POC5: variants seen among roughly 807,000 people sequenced by gnomAD.
The protein encoded by POC5 is POC5 centriolar protein, also known as centrosomal protein POC5.
POC5 carries 48 observed loss-of-function variants against 62.9 expected under a neutral mutation model. That is an observed-to-expected ratio of 0.76 (90% confidence interval 0.61 to 0.97). The LOEUF is 0.97. Ranked by LOEUF, POC5 falls within the 50% of genes least tolerant of loss-of-function variation. The probability of loss-of-function intolerance (pLI) is 0.00; values close to 1 mark genes in which losing one functional copy is unlikely to be tolerated. For missense variants in POC5, 696 were observed against 679.5 expected, an observed-to-expected ratio of 1.02 and a Z score of -0.27; for synonymous variants, 236 against 228.2, an observed-to-expected ratio of 1.03 and a Z score of -0.31.
chr5:75,707,432 A>T (rs1777169040), intron 3 of POC5: 1 of 210,574 alleles, frequency 4.7e-6, no homozygotes, highest in Non-Finnish European at 9.6e-6. Context: ...TCCTGGCATA[A>T]AACTGTTGGA....
intron 11 of POC5, among the ~76,000 whole-genome samples, chr5:75,675,033 T>A (rs1382761666): frequency 2.6e-5 from 4 of 152,138 alleles, no homozygotes; most frequent in Non-Finnish European, 5.9e-5. Context: ...ACGGAAGCCC[T>A]CAGGATGCAG....
At chr5:75,712,736 T>C (rs1418524061) in intron 2 of POC5, 118 bp downstream of exon 2, 9 of 824,576 alleles carry the variant, frequency 1.1e-5, no homozygotes, top group Non-Finnish European at 1.7e-5. Context: ...GATATTATTA[T>C]AAATTGAAAA....
intron 5 of POC5, among the ~76,000 whole-genome samples, chr5:75,702,081 C>G (rs1776910475): frequency 6.6e-6 from 1 of 152,016 alleles, no homozygotes; most frequent in African/African-American, 2.4e-5. Flanking sequence ...AGTTTCTGAA[C>G]CAGTAGCAAC....
chr5:75,674,272 G>T lies in POC5; in HGVS notation c.*163C>A. 2 of 551,606 alleles carry T rather than the reference G, an allele frequency of 3.6e-6. No individual in the cohort carries two copies. Among genetic ancestry groups the T allele is most frequent in the Non-Finnish European group, 5.9e-6 (2 of 341,766 alleles). 34.2% of individuals were successfully genotyped at this position (551,606 alleles called of 1,614,324 possible). On this transcript the variant is annotated 3_prime_UTR_variant, in exon 12 of 12. Transcript: ENST00000428202. ...AACATTAAAATAATTTCTACATATAGTTACAAAGCATGGTAGAGCTTGAAA... is the reference window on the plus strand; with the variant it reads ...AACATTAAAATAATTTCTACATATATTTACAAAGCATGGTAGAGCTTGAAA...
chr5:75,692,436 A>T lies in POC5; in HGVS notation c.755T>A (p.Phe252Tyr). 1.9e-6 allele frequency: 3 copies of T among 1,596,418 alleles called. No individual in the cohort carries two copies. The highest frequency in any genetic ancestry group is 2.6e-6 in the Non-Finnish European group (3 of 1,170,872). ...QKEKIELMRTFFHWRIGHVRA... is the reference protein window; with the variant it reads ...QKEKIELMRTYFHWRIGHVRA... The stretch of plus-strand genomic sequence containing the variant: ...GACATGGCCGATTCGCCAGTGGAAG[A>T]ATGTTCTCATCAACTCTATCTTTTC... Residue 252 changes from phenylalanine (F) to tyrosine (Y), a missense_variant, in exon 7 of 12, where the codon TTC becomes TAC. Physicochemically the swap from Phe to Tyr is conservative, Grantham distance 22. Coordinates refer to ENST00000428202, the MANE Select transcript of POC5 (RefSeq NM_001099271.2).
At chr5:75,677,671 A>G (rs769357095) in intron 11 of POC5, 103 bp downstream of exon 11, 96 of 890,458 alleles carry the variant, frequency 1.1e-4, no homozygotes, top group South Asian at 3.7e-4. Flanking sequence ...AGTACCAGTC[A>G]TCATAAATTT....
chr5:75,710,873 AGAAGTG>A (rs1777315850), intron 2 of POC5, among the ~76,000 whole-genome samples: 1 of 152,132 alleles, frequency 6.6e-6, no homozygotes, highest in Non-Finnish European at 1.5e-5. Context: ...GAACGGAGGG[AGAAGTG>A]GAAGTCAGTG....
chr5:75,707,933 C>A, intron 2 of POC5, 58 bp from the exon 3 acceptor site: 1 of 1,408,098 alleles, frequency 7.1e-7, no homozygotes, highest in Non-Finnish European at 9.6e-7. Context: ...ATAATATATT[C>A]AACTGAATTT....
intron 4 of POC5, among the ~76,000 whole-genome samples, chr5:75,704,559 A>G (rs1023069683): frequency 1.7e-4 from 26 of 152,222 alleles, no homozygotes; most frequent in African/African-American, 6.3e-4. Flanking sequence ...AGGTGGAATG[A>G]CAATGTACAT....
chr5:75,712,818 A>C (rs778428160), intron 2 of POC5, 36 bp downstream of exon 2: 4 of 1,462,690 alleles, frequency 2.7e-6, no homozygotes. Context: ...GTTTAAAATA[A>C]AAAAAGTCAT....
chr5:75,676,768 G>A (rs895128343), intron 11 of POC5, among the ~76,000 whole-genome samples: 6 of 151,324 alleles, frequency 4.0e-5, no homozygotes, highest in Non-Finnish European at 8.8e-5. Context: ...ATTGCAGTGC[G>A]CCAACATTGC....
intron 11 of POC5, 132 bp from the exon 12 acceptor site, chr5:75,674,710 G>A: frequency 8.6e-7 from 1 of 1,162,624 alleles, no homozygotes; most frequent in Non-Finnish European, 1.2e-6. Flanking sequence ...AATGAGTGGA[G>A]TGAAGCAGCT....
chr5:75,683,525 G>A (rs1053723217), intron 10 of POC5, among the ~76,000 whole-genome samples: 19 of 152,104 alleles, frequency 1.2e-4, no homozygotes, highest in African/African-American at 4.1e-4. Context: ...GAGCCGCCGC[G>A]CATGGCTTTT....
intron 4 of POC5, 70 bp from the exon 5 acceptor site, chr5:75,702,880 G>T: frequency 7.9e-7 from 1 of 1,267,372 alleles, no homozygotes; most frequent in African/African-American, 1.5e-5. Flanking sequence ...GAACCATACT[G>T]GAAGGCTAAA....
intron 2 of POC5, among the ~76,000 whole-genome samples, chr5:75,711,658 A>T (rs188252037): frequency 6.6e-6 from 1 of 152,234 alleles, no homozygotes; most frequent in East Asian, 1.9e-4. Flanking sequence ...ATGTACAGGG[A>T]ATATGGAGAG....
At chr5:75,679,414 A>G (rs773504877) in intron 10 of POC5, among the ~76,000 whole-genome samples, 1 of 152,136 alleles carries the variant, frequency 6.6e-6, no homozygotes, top group Non-Finnish European at 1.5e-5. Flanking sequence ...ATATAGCTGC[A>G]TCTAGCTACA....
chr5:75,702,357 GA>G (rs1776923095), intron 5 of POC5, among the ~76,000 whole-genome samples: 1 of 151,918 alleles, frequency 6.6e-6, no homozygotes, highest in Non-Finnish European at 1.5e-5. Flanking sequence ...GTCAAAAAAA[GA>G]AAAAAAGAAG....
intron 8 of POC5, 59 bp downstream of exon 8, chr5:75,690,324 G>A: frequency 1.4e-6 from 2 of 1,405,952 alleles, no homozygotes; most frequent in Non-Finnish European, 1.9e-6. Context: ...AATTAATAGT[G>A]AGTCTATCTA....
chr5:75,713,607 T>G (rs1777436631), intron 1 of POC5, among the ~76,000 whole-genome samples: 1 of 152,206 alleles, frequency 6.6e-6, no homozygotes, highest in Admixed American at 6.5e-5. Context: ...AGTGACCGAC[T>G]GATGAATAAA....
Sources: allele counts gnomAD v4.1 joint callset (sites outside exome capture counted in the v4.1 genomes callset), GRCh38; gene constraint gnomAD v4.1.1; transcripts MANE v1.5; gene names NCBI Gene and HGNC (gene_info 2026-07-23, HGNC 2026-07-21).